The following FAM107B variants were observed in gnomAD, a reference collection of about 807,000 sequenced individuals.
FAM107B encodes the protein family with sequence similarity 107 member B.
In FAM107B, 21 loss-of-function variants were observed where a neutral mutation model predicts 31.5. The ratio of observed to expected loss-of-function variants is 0.67; its 90% CI spans 0.47 to 0.96. The LOEUF (loss-of-function observed/expected upper bound fraction) is 0.96, where lower values mean the gene tolerates loss of function less well. Among genes scored for constraint, FAM107B ranks in the 40% least tolerant of loss-of-function variants. FAM107B has a pLI of 0.00. For missense variants in FAM107B, 452 were observed against 377.1 expected (o/e 1.20, Z -1.64); for synonymous variants, 157 against 141.5 (o/e 1.11, Z -0.78).
chr10:14,697,255 C>T (rs550209134), intron 1 of FAM107B, among the ~76,000 whole-genome samples: 4 of 152,304 alleles, frequency 2.6e-5, no homozygotes, highest in South Asian at 4.1e-4. Flanking sequence ...ACTCTTCTTT[C>T]GTCCTCTCCT....
At chr10:14,709,738 T>C (rs1010840168) in intron 1 of FAM107B, among the ~76,000 whole-genome samples, 7 of 152,054 alleles carry the variant, frequency 4.6e-5, no homozygotes, top group Non-Finnish European at 1.0e-4. Flanking sequence ...TATTATTCAG[T>C]GATAAAAAGA....
At chr10:14,703,920 C>A (rs188194083) in intron 1 of FAM107B, among the ~76,000 whole-genome samples, 1 of 152,020 alleles carries the variant, frequency 6.6e-6, no homozygotes, top group Admixed American at 6.6e-5. Flanking sequence ...GAGAACCAGG[C>A]GTGATGATTT....
chr10:14,525,961 C>T (rs929250379), intron 3 of FAM107B, among the ~76,000 whole-genome samples: 4 of 152,100 alleles, frequency 2.6e-5, no homozygotes, highest in Admixed American at 6.5e-5. Flanking sequence ...CAAGGGCAGA[C>T]GGGGCGAGTC....
chr10:14,728,202 C>T (rs1333892309), intron 1 of FAM107B, among the ~76,000 whole-genome samples: 2 of 152,136 alleles, frequency 1.3e-5, no homozygotes, highest in Non-Finnish European at 2.9e-5. Flanking sequence ...ATATCAACTG[C>T]ACTTGCATCA....
At chr10:14,582,545 T>C (rs1426819171) in intron 2 of FAM107B, among the ~76,000 whole-genome samples, 7 of 151,332 alleles carry the variant, frequency 4.6e-5, no homozygotes, top group Non-Finnish European at 1.0e-4. Context: ...ACCCGGCTAA[T>C]TTTTTGTATT....
chr10:14,692,282 G>A (rs116079666), intron 1 of FAM107B, among the ~76,000 whole-genome samples: 2,606 of 152,168 alleles, frequency 0.017, 55 homozygotes, highest in African/African-American at 0.055. Context: ...CTCCCCTGGC[G>A]GCTCTGCTCC....
At chr10:14,657,698 C>A (rs1056092330) in intron 2 of FAM107B, among the ~76,000 whole-genome samples, 2 of 152,166 alleles carry the variant, frequency 1.3e-5, no homozygotes, top group African/African-American at 4.8e-5. Context: ...TATATTACAG[C>A]CCGTGGCCTC....
intron 2 of FAM107B, among the ~76,000 whole-genome samples, chr10:14,632,445 A>G (rs1468699934): frequency 6.6e-6 from 1 of 151,722 alleles, no homozygotes; most frequent in East Asian, 1.9e-4. Flanking sequence ...CCCCGTCTCT[A>G]CTAAAAATAC....
intron 2 of FAM107B, among the ~76,000 whole-genome samples, chr10:14,629,126 A>T (rs1249823489): frequency 4.1e-5 from 6 of 147,276 alleles, no homozygotes; most frequent in Non-Finnish European, 8.9e-5. Flanking sequence ...GCAATTTAAG[A>T]TGTTTAAAGG....
At chr10:14,700,140 C>G (rs936453182) in intron 1 of FAM107B, among the ~76,000 whole-genome samples, 7 of 152,102 alleles carry the variant, frequency 4.6e-5, no homozygotes, top group South Asian at 2.1e-4. Context: ...ACCATGTTGA[C>G]CAGGCTGGTC....
chr10:14,542,293 T>C (rs1378828098), intron 2 of FAM107B, among the ~76,000 whole-genome samples: 1 of 149,868 alleles, frequency 6.7e-6, no homozygotes, highest in African/African-American at 2.5e-5. Flanking sequence ...AAAAAAAGTA[T>C]TGAATGAACA....
At chr10:14,562,638 C>T (rs1471553058) in intron 2 of FAM107B, among the ~76,000 whole-genome samples, 3 of 152,344 alleles carry the variant, frequency 2.0e-5, no homozygotes, top group South Asian at 2.1e-4. Flanking sequence ...CAATCCTTTA[C>T]GACAATACCA....
At chr10:14,707,619 C>T (rs1442587628) in intron 1 of FAM107B, among the ~76,000 whole-genome samples, 1 of 152,180 alleles carries the variant, frequency 6.6e-6, no homozygotes, top group Non-Finnish European at 1.5e-5. Flanking sequence ...GGGACAGATT[C>T]CCCACTCTCT....
intron 1 of FAM107B, among the ~76,000 whole-genome samples, chr10:14,741,966 G>C (rs1036530699): frequency 6.6e-6 from 1 of 151,624 alleles, no homozygotes; most frequent in Non-Finnish European, 1.5e-5. Flanking sequence ...CACCCACCTC[G>C]GTCTCCCAAA....
chr10:14,646,335 C>A lies in FAM107B; in HGVS notation c.469+21299G>T, dbSNP rs933673569. Among the ~76,000 whole-genome samples the A allele has an allele frequency of 3.3e-5, 5 of 152,088 alleles. No homozygotes were observed. The South Asian group carries it at 8.3e-4, about 25-fold the overall frequency. ...TAGGGAATTTTTCATTCCTCACCCC[C>A]GTCCACCCTCCCTCCTCCTGAGTCT... On this transcript the variant is annotated intron_variant, in intron 2 of 4. Coordinates refer to ENST00000181796, the MANE Select transcript of FAM107B (RefSeq NM_031453.4).
At chr10:14,723,820 G>A in intron 1 of FAM107B, 1 of 757,078 alleles carries the variant, frequency 1.3e-6, no homozygotes, top group Non-Finnish European at 2.4e-6. Flanking sequence ...AGTATACCTG[G>A]AGGACATGAC....
At chr10:14,557,580 G>T (rs1849811850) in intron 2 of FAM107B, among the ~76,000 whole-genome samples, 1 of 152,212 alleles carries the variant, frequency 6.6e-6, no homozygotes, top group Non-Finnish European at 1.5e-5. Flanking sequence ...ACTGGTAATA[G>T]AAATTATATC....
chr10:14,657,382 C>G (rs1854089370), intron 2 of FAM107B, among the ~76,000 whole-genome samples: 1 of 152,144 alleles, frequency 6.6e-6, no homozygotes, highest in African/African-American at 2.4e-5. Context: ...GGCAAAATGG[C>G]AGAGGACTGG....
chr10:14,761,049 G>A (rs1833036792), intron 1 of FAM107B, among the ~76,000 whole-genome samples: 1 of 148,040 alleles, frequency 6.8e-6, no homozygotes, highest in Admixed American at 6.8e-5. Flanking sequence ...AAGACATATC[G>A]TTAAGCTAGA....
Sources: gnomAD v4.1 joint callset for allele counts (sites outside exome capture counted in the v4.1 genomes callset) on GRCh38, gnomAD v4.1.1 for gene constraint, MANE v1.5 for transcripts, NCBI Gene and HGNC (gene_info 2026-07-23, HGNC 2026-07-21) for gene names.